Variants in SLC22A11 observed in about 807,000 individuals in gnomAD.
SLC22A11 encodes the protein solute carrier family 22 member 11.
In SLC22A11, 42 loss-of-function variants were observed where a neutral mutation model predicts 49.4. That is an observed-to-expected ratio of 0.85 (90% CI 0.66 to 1.10). The LOEUF is 1.10. Ranked by LOEUF, SLC22A11 falls within the 50% of genes least tolerant of loss-of-function variation. The pLI is 0.00. For missense variants in SLC22A11, 685 were observed against 731.6 expected (o/e 0.94, Z 0.74); for synonymous variants, 304 against 315.8 (o/e 0.96, Z 0.40).
Position 64,569,689 on chromosome 11 carries a change from C to G in SLC22A11, c.1420C>G (p.Leu474Val). The G allele has an allele frequency of 1.2e-6, 2 of 1,614,154 alleles. No homozygotes were observed. The highest frequency in any genetic ancestry group is 1.7e-6 in the Non-Finnish European group (2 of 1,180,022). ...ADGILHTVGRLGAMMGPLILM... is the reference protein window; with the variant it reads ...ADGILHTVGRVGAMMGPLILM... Reference sequence around the variant, plus strand: ...TGGCATTCTGCATACAGTGGGCCGGCTGGGGGCTATGATGGGTCCCCTGAT... The same window carrying G: ...TGGCATTCTGCATACAGTGGGCCGGGTGGGGGCTATGATGGGTCCCCTGAT... The change falls in exon 9 of 10, where the codon CTG (leucine) becomes GTG (valine). Residue 474 changes from leucine (L) to valine (V), a missense_variant. By Grantham distance (32) the Leu-to-Val change is conservative (BLOSUM62 1). Transcript: ENST00000301891.
At position 64,568,709 on chromosome 11, in the gene SLC22A11, AG is replaced by A; in HGVS notation, c.1316del (p.Gly439AspfsTer5). On this transcript the variant is annotated frameshift_variant, in exon 8 of 10. Transcript: ENST00000301891. LOFTEE classifies it high-confidence loss of function. ...CGTGTGGTCTTTGCTGTGCTGGGAA[AG>A]GGATGTTTTGGGATAAGCCTAACCT... ...TLRVVFAVLG[K>X]GCFGISLTCL... 6.2e-7 allele frequency: 1 copy of A among 1,614,116 alleles called. No individual in the cohort carries two copies. The highest frequency in any genetic ancestry group is 8.5e-7 in the Non-Finnish European group (1 of 1,180,016).
rs2038690166 is a variant in SLC22A11 at position 64,570,575 on chromosome 11, G to A, written c.1590-404G>A. On this transcript the variant is annotated intron_variant, in intron 9 of 9. Transcript: ENST00000301891. ...TTGTGTCCTGGGTGACTGTTCACAG[G>A]GCCGCCTCAATTCTGATGGTGACCG... Among the ~76,000 whole-genome samples, 3 of 152,136 alleles carry A rather than the reference G, an allele frequency of 2.0e-5. No homozygotes were observed. In the South Asian group the frequency reaches 6.2e-4, roughly 32 times the overall value.
Position 64,565,123 on chromosome 11 carries a change from C to G in SLC22A11, c.943-99C>G, listed in dbSNP as rs2038604974. On this transcript the variant is annotated intron_variant, in intron 5 of 9. Transcript: ENST00000301891. The surrounding 1 kb of genome is among the most constrained non-coding windows in gnomAD (Gnocchi z 4.1). ...TCCAGAGGCCGAGGCCCAGGACAGG[C>G]TCCCCGTCACTCTGGCCACTTGGAC... The G allele has an allele frequency of 2.1e-6, 2 of 931,252 alleles. No individual in the cohort carries two copies. Among genetic ancestry groups the G allele is most frequent in the South Asian group, 3.4e-5 (2 of 58,620 alleles). 57.7% of individuals were successfully genotyped at this position (931,252 alleles called of 1,614,324 possible).
chr11:64,564,441 T>C lies in SLC22A11; in HGVS notation c.942+13T>C. 1 of 1,613,694 alleles carries C rather than the reference T, an allele frequency of 6.2e-7. No individual in the cohort carries two copies. The highest frequency in any genetic ancestry group is 8.5e-7 in the Non-Finnish European group (1 of 1,179,770). On this transcript the variant is annotated intron_variant, in intron 5 of 9. Transcript: ENST00000301891. This position sits in a 1 kb window ranked among gnomAD's most constrained non-coding sequence, Gnocchi z 4.2. ...CCTGACCATAGAGGTGAGATGCTGCTGTCTGCGAGACTTGACCTGGGACAG... is the reference window on the plus strand; with the variant it reads ...CCTGACCATAGAGGTGAGATGCTGCCGTCTGCGAGACTTGACCTGGGACAG...
chr11:64,564,808 C>T lies in SLC22A11; in HGVS notation c.942+380C>T, dbSNP rs1362564660. Among the ~76,000 whole-genome samples, 1 of 152,266 alleles carries T rather than the reference C, an allele frequency of 6.6e-6. No individual in the cohort carries two copies. Among genetic ancestry groups the T allele is most frequent in the Non-Finnish European group, 1.5e-5 (1 of 68,020 alleles). Reference sequence around the variant, plus strand: ...CCATCATTATCAACAGCACCCACACCGTCACCTCCATCACCCACCACCTCC... The same window carrying T: ...CCATCATTATCAACAGCACCCACACTGTCACCTCCATCACCCACCACCTCC... On this transcript the variant is annotated intron_variant, in intron 5 of 9. Coordinates refer to ENST00000301891, the MANE Select transcript of SLC22A11 (RefSeq NM_018484.4). This position sits in a 1 kb window ranked among gnomAD's most constrained non-coding sequence, Gnocchi z 4.2.
Position 64,556,383 on chromosome 11 carries a change from C to T in SLC22A11, c.384C>T (p.Ile128=), listed in dbSNP as rs748728205. Residue 128 remains isoleucine, a synonymous_variant, in exon 1 of 10, where the codon ATC becomes ATT. Coordinates refer to ENST00000301891, the MANE Select transcript of SLC22A11 (RefSeq NM_018484.4). The stretch of plus-strand genomic sequence containing the variant: ...ACCGCAGCGTCTTCACCTCCACCAT[C>T]GTGGCCAAGGTAGGGCCTCCCCCAG... ...VYDRSVFTST[I]VAKWDLVCSS... 2.7e-5 allele frequency: 44 copies of T among 1,610,836 alleles called. No individual in the cohort carries two copies. In the Middle Eastern group the frequency reaches 8.2e-4, roughly 30 times the overall value.
intron 1 of SLC22A11, among the ~76,000 whole-genome samples, chr11:64,558,208 T>C (rs2038490520): frequency 6.6e-6 from 1 of 152,232 alleles, no homozygotes; most frequent in South Asian, 2.1e-4. Context: ...GTGTTGGGAT[T>C]ACAGGCATGA....
chr11:64,570,578 C>T (rs1168518164), intron 9 of SLC22A11, among the ~76,000 whole-genome samples: 4 of 152,112 alleles, frequency 2.6e-5, no homozygotes, highest in Non-Finnish European at 5.9e-5. Context: ...TTCACAGGGC[C>T]GCCTCAATTC....
At position 64,570,476 on chromosome 11, in the gene SLC22A11, G is replaced by A. The variant is rs545920196; in HGVS notation, c.1590-503G>A. 5.3e-5 allele frequency among the ~76,000 whole-genome samples: 8 copies of A among 152,306 alleles called. No homozygotes were observed. In the South Asian group the frequency reaches 1.5e-3, roughly 28 times the overall value. The stretch of plus-strand genomic sequence containing the variant: ...GCCTGGCTCACAGAGTTGTTTTCAA[G>A]TTTAAGGGAAGTATTATTTTAAAGC... On this transcript the variant is annotated intron_variant, in intron 9 of 9. Transcript: ENST00000301891.
chr11:64,567,789 C>T lies in SLC22A11; in HGVS notation c.1249C>T (p.Leu417=). The T allele has an allele frequency of 6.2e-7, 1 of 1,606,090 alleles. No homozygotes were observed. Residue 417 remains leucine (L), a synonymous_variant, in exon 7 of 10, where the codon CTA becomes TTA. Coordinates refer to ENST00000301891, the MANE Select transcript of SLC22A11 (RefSeq NM_018484.4). The part of the protein sequence containing the change: ...GSQAMAGLAI[L]ANMLVPQDLQ... ...CCAGGCCATGGCCGGCCTCGCCATTCTAGCCAACATGCTGGTGCCGCAAGG... is the reference window on the plus strand; with the variant it reads ...CCAGGCCATGGCCGGCCTCGCCATTTTAGCCAACATGCTGGTGCCGCAAGG...
intron 1 of SLC22A11, among the ~76,000 whole-genome samples, chr11:64,557,408 G>A (rs555534488): frequency 6.6e-6 from 1 of 152,290 alleles, no homozygotes; most frequent in South Asian, 2.1e-4. Context: ...TCAGGCAGAT[G>A]GTTGGGGATG....
Position 64,558,396 on chromosome 11 carries a change from C to T in SLC22A11, c.394-739C>T, listed in dbSNP as rs1486821627. On this transcript the variant is annotated intron_variant, in intron 1 of 9. Transcript: ENST00000301891. ...CCCACTGGAGGCTACTGCAGCTGCC[C>T]GGGTGGGAAGGGGAAAGAGAGAGGT... is the stretch of plus-strand genomic sequence containing the variant. Among the ~76,000 whole-genome samples the T allele has an allele frequency of 2.0e-5, 3 of 152,034 alleles. No individual in the cohort carries two copies. In the East Asian group the frequency reaches 5.8e-4, roughly 29 times the overall value.
intron 9 of SLC22A11, among the ~76,000 whole-genome samples, chr11:64,570,750 A>C (rs1278988510): frequency 2.6e-5 from 4 of 152,212 alleles, no homozygotes; most frequent in Non-Finnish European, 5.9e-5. Flanking sequence ...GCCTAAGGAC[A>C]CCTGCAGAGA....
chr11:64,565,212 T>C lies in SLC22A11; in HGVS notation c.943-10T>C, dbSNP rs1320057151. The C allele has an allele frequency of 1.3e-6, 2 of 1,521,602 alleles. No individual in the cohort carries two copies. The highest frequency in any genetic ancestry group is 1.4e-5 in the African/African-American group (1 of 72,718). The allele number at this position is 1,521,602 out of a possible 1,614,324, so 94.3% of individuals were successfully genotyped here. A position where few individuals can be genotyped will look rare whatever the true frequency, so the allele number is the denominator to read the frequency against. The stretch of plus-strand genomic sequence containing the variant: ...CCTACCATTCACGGTGCCCCCATTC[T>C]CCCCGGAAGGTGCTGATGTCCAGCG... On this transcript the variant is annotated splice_polypyrimidine_tract_variant and intron_variant, in intron 5 of 9. Transcript: ENST00000301891. This position sits in a 1 kb window ranked among gnomAD's most constrained non-coding sequence, Gnocchi z 4.1.
At chr11:64,559,900 C>T (rs191952858) in intron 2 of SLC22A11, among the ~76,000 whole-genome samples, 55 of 152,268 alleles carry the variant, frequency 3.6e-4, no homozygotes, top group Non-Finnish European at 5.9e-4. Flanking sequence ...GGCCTGCTGG[C>T]GGGGAGAAGC....
At chr11:64,561,405 A>ACCAGAT (rs2038541621) in intron 2 of SLC22A11, among the ~76,000 whole-genome samples, 1 of 152,206 alleles carries the variant, frequency 6.6e-6, no homozygotes, top group Non-Finnish European at 1.5e-5. Flanking sequence ...GGAAGGACAG[A>ACCAGAT]GCTGGGGCTC....
chr11:64,568,590 C>A, intron 7 of SLC22A11, 80 bp from the exon 8 acceptor site: 3 of 1,212,908 alleles, frequency 2.5e-6, no homozygotes, highest in Non-Finnish European at 3.7e-6. Flanking sequence ...CCCTCTGCTC[C>A]AGGCTGGCTG....
intron 7 of SLC22A11, 37 bp from the exon 8 acceptor site, chr11:64,568,633 A>G (rs1478254514): frequency 2.5e-6 from 4 of 1,579,416 alleles, no homozygotes; most frequent in Non-Finnish European, 3.5e-6. Flanking sequence ...GGTACCCTCC[A>G]GGGCAAACCC....
intron 1 of SLC22A11, among the ~76,000 whole-genome samples, chr11:64,557,977 T>C (rs568973610): frequency 6.6e-6 from 1 of 152,202 alleles, no homozygotes; most frequent in East Asian, 1.9e-4. Flanking sequence ...TTTGTATTTT[T>C]AGTAGAGAAG....
Sources: gnomAD v4.1 joint callset for allele counts (sites outside exome capture counted in the v4.1 genomes callset) on GRCh38, gnomAD v4.1.1 for gene constraint, Gnocchi (gnomAD v3.1) non-coding constraint, MANE v1.5 for transcripts, NCBI Gene and HGNC (gene_info 2026-07-23, HGNC 2026-07-21) for gene names.